Variants in PHLPP1 observed in about 807,000 individuals in gnomAD.
The protein encoded by PHLPP1 is PH domain and leucine rich repeat protein phosphatase 1, also known as PH domain leucine-rich repeat-containing protein phosphatase 1.
A neutral mutation model predicts 117.2 loss-of-function variants in PHLPP1; 42 were observed. The ratio of observed to expected loss-of-function variants is 0.36; its 90% CI spans 0.28 to 0.46. The LOEUF (loss-of-function observed/expected upper bound fraction) is 0.46. PHLPP1 is among the 20% of genes least tolerant of loss of function. PHLPP1 has a pLI of 1.00. For synonymous variants in PHLPP1, 1,042 were observed against 970.7 expected, an observed-to-expected ratio of 1.07 and a Z score of -1.37; for missense variants, 2,084 against 2,241.9, an observed-to-expected ratio of 0.93 and a Z score of 1.42.
chr18:62,741,389 A>G (rs535108996), intron 1 of PHLPP1, among the ~76,000 whole-genome samples: 10 of 152,132 alleles, frequency 6.6e-5, no homozygotes, highest in Admixed American at 2.0e-4. Flanking sequence ...TACTTAGTCA[A>G]TTCAGATGTG....
intron 3 of PHLPP1, among the ~76,000 whole-genome samples, chr18:62,851,369 A>AT: frequency 6.6e-6 from 1 of 152,236 alleles, no homozygotes; most frequent in South Asian, 2.1e-4. Flanking sequence ...TTTTAACTAT[A>AT]TTTTAACAGG....
At chr18:62,816,184 G>A (rs1914268607) in intron 1 of PHLPP1, among the ~76,000 whole-genome samples, 1 of 152,142 alleles carries the variant, frequency 6.6e-6, no homozygotes, top group Non-Finnish European at 1.5e-5. Flanking sequence ...GTTGAAAAGA[G>A]TACAAAAATT....
intron 3 of PHLPP1, among the ~76,000 whole-genome samples, chr18:62,842,625 A>G (rs1915082995): frequency 6.6e-6 from 1 of 152,110 alleles, no homozygotes; most frequent in Non-Finnish European, 1.5e-5. Flanking sequence ...CAGCCTCCCA[A>G]AGTGCTGGGA....
At chr18:62,817,919 A>G (rs948447084) in intron 1 of PHLPP1, among the ~76,000 whole-genome samples, 3 of 134,988 alleles carry the variant, frequency 2.2e-5, no homozygotes, top group African/African-American at 8.6e-5. Context: ...TAGTGGCGAG[A>G]TCTCGGCTCA....
chr18:62,914,186 A>G (rs561945182), intron 8 of PHLPP1, among the ~76,000 whole-genome samples: 4 of 152,068 alleles, frequency 2.6e-5, no homozygotes, highest in Admixed American at 1.3e-4. Flanking sequence ...CCATTTGTCC[A>G]TGGCTGTGTT....
At chr18:62,948,672 ATT>A (rs779742343) in intron 12 of PHLPP1, among the ~76,000 whole-genome samples, 5 of 142,438 alleles carry the variant, frequency 3.5e-5, no homozygotes, top group African/African-American at 5.1e-5. Context: ...TGTTGTTGGG[ATT>A]TTTTTTTTTT....
intron 1 of PHLPP1, among the ~76,000 whole-genome samples, chr18:62,737,255 G>C (rs1370470742): frequency 6.6e-6 from 1 of 152,150 alleles, no homozygotes; most frequent in Admixed American, 6.5e-5. Flanking sequence ...GATGTGGGTG[G>C]GGAATGGTGA....
At chr18:62,865,892 G>A (rs1361702241) in intron 4 of PHLPP1, among the ~76,000 whole-genome samples, 1 of 152,210 alleles carries the variant, frequency 6.6e-6, no homozygotes, top group East Asian at 1.9e-4. Context: ...AGGCTGGAGG[G>A]CAGGAAGAAG....
chr18:62,972,760 T>C (rs1453878000), intron 15 of PHLPP1, 52 bp downstream of exon 15: 5 of 1,358,136 alleles, frequency 3.7e-6, no homozygotes, highest in Non-Finnish European at 5.2e-6. Context: ...GCTCTTTGAG[T>C]GTTTATCCTC....
At chr18:62,743,679 G>T (rs1437914358) in intron 1 of PHLPP1, among the ~76,000 whole-genome samples, 1 of 151,896 alleles carries the variant, frequency 6.6e-6, no homozygotes, top group Non-Finnish European at 1.5e-5. Flanking sequence ...TCCAAATGTG[G>T]TCCAAACCTA....
At chr18:62,724,843 T>G (rs1911022566) in intron 1 of PHLPP1, among the ~76,000 whole-genome samples, 1 of 152,170 alleles carries the variant, frequency 6.6e-6, no homozygotes, top group Non-Finnish European at 1.5e-5. Context: ...AGAGAGAAAT[T>G]AGATTTCATC....
chr18:62,926,455 AC>A (rs1909630145), intron 10 of PHLPP1, among the ~76,000 whole-genome samples: 1 of 152,110 alleles, frequency 6.6e-6, no homozygotes, highest in Non-Finnish European at 1.5e-5. Flanking sequence ...TTCTGCCTGT[AC>A]TCTGAGAGAC....
At chr18:62,795,931 A>G (rs1209052969) in intron 1 of PHLPP1, among the ~76,000 whole-genome samples, 3 of 152,168 alleles carry the variant, frequency 2.0e-5, no homozygotes, top group Middle Eastern at 3.2e-3. Context: ...AATGTTCTGG[A>G]GATACAGTTT....
At chr18:62,768,039 A>G (rs1463723750) in intron 1 of PHLPP1, among the ~76,000 whole-genome samples, 2 of 152,220 alleles carry the variant, frequency 1.3e-5, no homozygotes, top group Admixed American at 6.5e-5. Context: ...ATGAGAATCC[A>G]TTAGCACCTC....
chr18:62,758,486 T>C (rs1912102285), intron 1 of PHLPP1, among the ~76,000 whole-genome samples: 1 of 152,212 alleles, frequency 6.6e-6, no homozygotes, highest in Non-Finnish European at 1.5e-5. Context: ...GCAAAACCTT[T>C]ATTTCTTTGT....
chr18:62,869,132 A>T (rs1442624122), intron 4 of PHLPP1, among the ~76,000 whole-genome samples: 1 of 152,122 alleles, frequency 6.6e-6, no homozygotes, highest in Non-Finnish European at 1.5e-5. Context: ...TACCTCCCTG[A>T]TGCTTTGACA....
chr18:62,856,512 C>T (rs1360563088), intron 3 of PHLPP1, among the ~76,000 whole-genome samples: 1 of 152,152 alleles, frequency 6.6e-6, no homozygotes, highest in African/African-American at 2.4e-5. Flanking sequence ...ACTGCAACCT[C>T]GACCTTCTGG....
At chr18:62,773,806 G>T (rs1912869525) in intron 1 of PHLPP1, among the ~76,000 whole-genome samples, 1 of 152,128 alleles carries the variant, frequency 6.6e-6, no homozygotes. Flanking sequence ...CAACATAATT[G>T]ATTTCTCACA....
At chr18:62,853,360 T>C (rs1399773778) in intron 3 of PHLPP1, among the ~76,000 whole-genome samples, 1 of 151,974 alleles carries the variant, frequency 6.6e-6, no homozygotes, top group Non-Finnish European at 1.5e-5. Flanking sequence ...TTCTTTTTTT[T>C]TTTTGTTCTT....
Sources: allele counts gnomAD v4.1 joint callset (sites outside exome capture counted in the v4.1 genomes callset), GRCh38; gene constraint gnomAD v4.1.1; transcripts MANE v1.5; gene names NCBI Gene and HGNC (gene_info 2026-07-23, HGNC 2026-07-21).